The following DOCK4 variants were observed in gnomAD, a reference collection of about 807,000 sequenced individuals.
The protein encoded by DOCK4 is dedicator of cytokinesis protein 4.
In DOCK4, 97 loss-of-function variants were observed where a neutral mutation model predicts 268.1. The observed-to-expected ratio is 0.36, with a 90% CI of 0.31 to 0.43. DOCK4 has a LOEUF of 0.43. Among genes scored for constraint, DOCK4 ranks in the 20% least tolerant of loss-of-function variants. DOCK4 has a pLI of 1.00. For missense variants in DOCK4, 2,145 were observed against 2,455.7 expected (o/e 0.87, Z 2.67); for synonymous variants, 954 against 887.2 (o/e 1.08, Z -1.34).
intron 27 of DOCK4, among the ~76,000 whole-genome samples, chr7:111,815,798 A>G (rs1801502834): frequency 6.6e-6 from 1 of 151,646 alleles, no homozygotes; most frequent in Non-Finnish European, 1.5e-5. Flanking sequence ...CAGCCTCCCA[A>G]GTAGCTGGGA....
chr7:111,862,319 A>G (rs1231029547), intron 23 of DOCK4, among the ~76,000 whole-genome samples: 1 of 151,886 alleles, frequency 6.6e-6, no homozygotes, highest in Non-Finnish European at 1.5e-5. Context: ...AAAGCAAATA[A>G]GTGGTAATGT....
rs760333167 is a variant in DOCK4, at chr7:111,739,406, C to T, written c.5112G>A (p.Ser1704=). The T allele has an allele frequency of 1.0e-5, 16 of 1,587,696 alleles. No individual in the cohort carries two copies. The highest frequency in any genetic ancestry group is 3.6e-5 in the Admixed American group (2 of 55,330). Residue 1704 remains serine, a synonymous_variant, in exon 48 of 53, where the codon TCG becomes TCA. Coordinates refer to ENST00000428084, the MANE Select transcript of DOCK4 (RefSeq NM_001363540.2). ...CACTCTGGCACTGACCTCTGGCACT[C>T]GATGGAGCAGAACTTGTCACATTAG... ...ASPNVTSSAP[S]SARASPLLSD...
chr7:111,906,662 G>A (rs1335010579), intron 13 of DOCK4, among the ~76,000 whole-genome samples: 1 of 152,102 alleles, frequency 6.6e-6, no homozygotes, highest in East Asian at 1.9e-4. Context: ...TTGAGATAGG[G>A]AGATTTTCTT....
chr7:111,987,625 C>A (rs1005802952), intron 6 of DOCK4, among the ~76,000 whole-genome samples: 1 of 152,180 alleles, frequency 6.6e-6, no homozygotes, highest in Non-Finnish European at 1.5e-5. Context: ...AAATGGCTGG[C>A]AAGTCTAATC....
intron 1 of DOCK4, among the ~76,000 whole-genome samples, chr7:112,013,945 C>T (rs1801584966): frequency 6.6e-6 from 1 of 152,172 alleles, no homozygotes; most frequent in Admixed American, 6.5e-5. Flanking sequence ...CCTTTATGTT[C>T]CCAATACCCG....
intron 1 of DOCK4, among the ~76,000 whole-genome samples, chr7:112,183,037 A>G (rs2116713491): frequency 6.6e-6 from 1 of 152,336 alleles, no homozygotes; most frequent in Non-Finnish European, 1.5e-5. Context: ...ACACTCCCCT[A>G]GACTAAGTTT....
chr7:112,003,933 A>T, intron 2 of DOCK4, 115 bp downstream of exon 2: 1 of 696,120 alleles, frequency 1.4e-6, no homozygotes, highest in Non-Finnish European at 2.2e-6. Flanking sequence ...AATTTTGTCA[A>T]AAATGACTTG....
At chr7:112,105,541 T>A (rs557178486) in intron 1 of DOCK4, among the ~76,000 whole-genome samples, 3 of 150,284 alleles carry the variant, frequency 2.0e-5, no homozygotes, top group East Asian at 3.9e-4. Flanking sequence ...TATGCTTCCT[T>A]GAAGCAAGGA....
chr7:112,029,916 C>CA (rs1219910978), intron 1 of DOCK4, among the ~76,000 whole-genome samples: 1 of 152,114 alleles, frequency 6.6e-6, no homozygotes, highest in African/African-American at 2.4e-5. Flanking sequence ...TATAATATCT[C>CA]AAAAAAGATC....
intron 23 of DOCK4, among the ~76,000 whole-genome samples, chr7:111,854,736 C>T (rs1042524417): frequency 1.7e-4 from 26 of 152,300 alleles, no homozygotes; most frequent in African/African-American, 6.3e-4. Context: ...TCAGTCAGTA[C>T]CTAGTGTTCA....
chr7:112,137,324 G>A (rs1814455431), intron 1 of DOCK4, among the ~76,000 whole-genome samples: 1 of 152,108 alleles, frequency 6.6e-6, no homozygotes, highest in South Asian at 2.1e-4. Context: ...GCACAACAGG[G>A]AACCTCACAG....
chr7:111,832,763 A>G (rs1193070264), intron 26 of DOCK4, among the ~76,000 whole-genome samples: 1 of 152,076 alleles, frequency 6.6e-6, no homozygotes, highest in Non-Finnish European at 1.5e-5. Context: ...CAGGTGATCC[A>G]CCCACCTCGG....
intron 37 of DOCK4, among the ~76,000 whole-genome samples, chr7:111,767,451 T>G (rs1797833485): frequency 6.6e-6 from 1 of 152,014 alleles, no homozygotes; most frequent in Admixed American, 6.6e-5. Flanking sequence ...GGTCTTGATC[T>G]CCTGACCCCA....
At chr7:111,969,603 A>G (rs568259189) in intron 8 of DOCK4, among the ~76,000 whole-genome samples, 2 of 151,826 alleles carry the variant, frequency 1.3e-5, no homozygotes, top group Non-Finnish European at 2.9e-5. Context: ...TCTCAGGTGA[A>G]TAGGTTCTGG....
At chr7:112,059,132 T>TC (rs1806122971) in intron 1 of DOCK4, among the ~76,000 whole-genome samples, 1 of 144,966 alleles carries the variant, frequency 6.9e-6, no homozygotes, top group East Asian at 2.0e-4. Flanking sequence ...CTGCAGCATT[T>TC]CCTTTTTTTT....
At chr7:111,755,674 C>A in intron 41 of DOCK4, 73 bp from the exon 42 acceptor site, 1 of 1,368,962 alleles carries the variant, frequency 7.3e-7, no homozygotes, top group Non-Finnish European at 1.0e-6. Context: ...TAGTGTTTGT[C>A]GGTCACTGTT....
intron 1 of DOCK4, among the ~76,000 whole-genome samples, chr7:112,168,990 T>C (rs1817843120): frequency 6.6e-6 from 1 of 152,218 alleles, no homozygotes; most frequent in Admixed American, 6.5e-5. Context: ...TTGATTTATG[T>C]CCCTGCCCAA....
chr7:111,997,993 G>C (rs1252373643), intron 4 of DOCK4, among the ~76,000 whole-genome samples: 1 of 152,170 alleles, frequency 6.6e-6, no homozygotes, highest in Admixed American at 6.5e-5. Context: ...CTCTAAAATA[G>C]AATAATGGCT....
At chr7:112,155,757 G>A (rs1246138332) in intron 1 of DOCK4, among the ~76,000 whole-genome samples, 1 of 151,910 alleles carries the variant, frequency 6.6e-6, no homozygotes. Context: ...GGTAATGGAC[G>A]GTAGTATTTA....
Sources: allele counts gnomAD v4.1 joint callset (sites outside exome capture counted in the v4.1 genomes callset), GRCh38; gene constraint gnomAD v4.1.1; transcripts MANE v1.5; gene names NCBI Gene and HGNC (gene_info 2026-07-23, HGNC 2026-07-21).